The following ZNF208 variants were observed in gnomAD, a reference collection of about 807,000 sequenced individuals.
ZNF208 encodes the protein zinc finger protein 95.
ZNF208 carries 10 observed loss-of-function variants against 12.1 expected under a neutral mutation model. The ratio of observed to expected loss-of-function variants is 0.83; its 90% CI spans 0.51 to 1.40. ZNF208 has a LOEUF of 1.40. Among genes scored for constraint, ZNF208 ranks in the 40% most tolerant of loss-of-function variants. The pLI is 0.00. For synonymous variants in ZNF208, 497 were observed against 488.4 expected, an observed-to-expected ratio of 1.02 and a Z score of -0.23; for missense variants, 1,652 against 1,485.0, an observed-to-expected ratio of 1.11 and a Z score of -1.85.
intron 4 of ZNF208, chr19:21,940,385 CTCA>C: frequency 6.6e-6 from 1 of 151,950 alleles, no homozygotes. Context: ...TTGATGTTAC[CTCA>C]TCATTCTTAG....
At chr19:21,956,217 C>T (rs897825183) in intron 4 of ZNF208, among the ~76,000 whole-genome samples, 6 of 152,164 alleles carry the variant, frequency 3.9e-5, no homozygotes, top group Non-Finnish European at 7.3e-5. Flanking sequence ...CAGAGGGGCA[C>T]CCGGCTGTAT....
At chr19:21,951,701 G>C (rs959291700) in intron 4 of ZNF208, among the ~76,000 whole-genome samples, 7 of 152,134 alleles carry the variant, frequency 4.6e-5, no homozygotes, top group African/African-American at 1.7e-4. Flanking sequence ...CAAATAGGAA[G>C]AGCTCTGGTC....
chr19:21,997,978 CTG>C (rs1970870643), intron 1 of ZNF208: 1 of 152,110 alleles, frequency 6.6e-6, no homozygotes, highest in South Asian at 2.1e-4. Context: ...TAAGAAAAAA[CTG>C]AGATTAGATA....
chr19:21,961,451 G>A (rs763320922), downstream of ZNF208, among the ~76,000 whole-genome samples: 1 of 152,134 alleles, frequency 6.6e-6, no homozygotes, highest in Non-Finnish European at 1.5e-5. Flanking sequence ...TTACTGATGA[G>A]GGTCTATGTT....
chr19:21,974,426 C>T lies in ZNF208; in HGVS notation c.608G>A (p.Cys203Tyr), dbSNP rs1345241021. 2.2e-5 allele frequency: 35 copies of T among 1,613,812 alleles called. No individual in the cohort carries two copies. The highest frequency in any genetic ancestry group is 2.9e-5 in the Non-Finnish European group (34 of 1,179,814). The change falls in exon 4 of 4, where the codon TGT becomes TAT. Residue 203 changes from cysteine to tyrosine, a missense_variant. Coordinates refer to ENST00000397126, the MANE Select transcript of ZNF208 (RefSeq NM_007153.3). Reference sequence around the variant, plus strand: ...GTTAAAAGCTTTGCCACCTTCTTCACATTTGTAGGAATTCTCTCTAGTATA... The same window carrying T: ...GTTAAAAGCTTTGCCACCTTCTTCATATTTGTAGGAATTCTCTCTAGTATA... ...RIYTRENSYK[C>Y]EEGGKAFNWS...
downstream of ZNF208, among the ~76,000 whole-genome samples, chr19:21,964,527 A>C (rs1280575730): frequency 1.3e-5 from 2 of 151,732 alleles, no homozygotes; most frequent in African/African-American, 4.8e-5. Context: ...TAAACAAAAA[A>C]CAATATGCCT....
chr19:22,007,966 T>TGCA (rs1971075805), intron 1 of ZNF208, among the ~76,000 whole-genome samples: 1 of 137,656 alleles, frequency 7.3e-6, no homozygotes, highest in Non-Finnish European at 1.5e-5. Context: ...ATTGCACCAC[T>TGCA]GCAGTCCAGC....
Position 21,972,480 on chromosome 19 carries a change from T to C in ZNF208, c.2554A>G (p.Lys852Glu), listed in dbSNP as rs536562250. 2.5e-6 allele frequency: 4 copies of C among 1,613,144 alleles called. No homozygotes were observed. Among genetic ancestry groups the C allele is most frequent in the Non-Finnish European group, 3.4e-6 (4 of 1,179,860 alleles). The change falls in exon 4 of 4, where the codon AAG becomes GAG. Residue 852 changes from lysine to glutamate, a missense_variant. Physicochemically the swap from Lys to Glu is moderately conservative, Grantham distance 56 (BLOSUM62 1). Coordinates refer to ENST00000397126, the MANE Select transcript of ZNF208 (RefSeq NM_007153.3). ...FSKFSILTKH[K>E]VIHTGEKPYK... ...GGTTTCTCTCCAGTATGAATTACCT[T>C]ATGTTTAGTAAGGATTGAGAACTTA...
chr19:22,008,802 C>T (rs1414796280), intron 1 of ZNF208, among the ~76,000 whole-genome samples: 2 of 152,080 alleles, frequency 1.3e-5, no homozygotes, highest in African/African-American at 4.8e-5. Flanking sequence ...GCCTCTCAGC[C>T]CCAGGGTATT....
chr19:21,997,254 A>G (rs1463542309), intron 1 of ZNF208, among the ~76,000 whole-genome samples: 2 of 152,224 alleles, frequency 1.3e-5, no homozygotes, highest in African/African-American at 4.8e-5. Context: ...GCACCATGTC[A>G]TACATAGTTC....
At chr19:21,975,964 T>C (rs1002026108) in intron 3 of ZNF208, among the ~76,000 whole-genome samples, 2 of 151,214 alleles carry the variant, frequency 1.3e-5, no homozygotes, top group Non-Finnish European at 2.9e-5. Context: ...GCATATGTCT[T>C]CCATAAGAAA....
intron 4 of ZNF208, among the ~76,000 whole-genome samples, chr19:21,948,394 C>T (rs774259440): frequency 2.0e-5 from 3 of 152,180 alleles, no homozygotes; most frequent in Admixed American, 6.5e-5. Flanking sequence ...GCCCTCTTGG[C>T]AGCCCTACAA....
chr19:21,966,835 A>G lies in ZNF208; in HGVS notation c.*4356T>C, dbSNP rs1451436271. On this transcript the variant is annotated 3_prime_UTR_variant, in exon 4 of 4. Transcript: ENST00000397126. ...GTATCACACTGTCACTTTGATTTAC[A>G]TCTTTCTGATAATTAGGAACGTTGA... The G allele has an allele frequency of 6.6e-6, 1 of 152,142 alleles. No homozygotes were observed. The highest frequency in any genetic ancestry group is 1.5e-5 in the Non-Finnish European group (1 of 68,000). 9.4% of individuals were successfully genotyped at this position (152,142 alleles called of 1,614,324 possible).
rs563918766 is a variant in ZNF208 at position 21,943,872 on chromosome 19, T to C, written c.306-10635A>G. ...CTAAAAGTATTGAGCCAGAATGATA[T>C]GTATCTGAGGATTATTAAAGGGAAT... On this transcript the variant is annotated intron_variant, in intron 4 of 4. Coordinates refer to the ZNF208 transcript ENST00000599916. Among the ~76,000 whole-genome samples, 5 of 152,300 alleles carry C rather than the reference T, an allele frequency of 3.3e-5. No homozygotes were observed. The East Asian group carries it at 7.7e-4, about 24-fold the overall frequency.
chr19:21,973,670 C>T lies in ZNF208; in HGVS notation c.1364G>A (p.Cys455Tyr), dbSNP rs369373230. ...KIHTGETPYKCEECGKGFSMF... is the reference protein window; with the variant it reads ...KIHTGETPYKYEECGKGFSMF... The stretch of plus-strand genomic sequence containing the variant: ...ACTAAAGCCTTTGCCACATTCTTCA[C>T]ATTTGTAGGGTGTCTCTCCAGTGTG... The change falls in exon 4 of 4, where the codon TGT (cysteine) becomes TAT (tyrosine). Residue 455 changes from cysteine to tyrosine, a missense_variant. Around this residue, in one of 3 missense-constraint regions of ZNF208, gnomAD observed 1,239 missense variants for 1,086.2 expected, o/e 1.14. Coordinates refer to ENST00000397126, the MANE Select transcript of ZNF208 (RefSeq NM_007153.3). 6.4e-7 allele frequency: 1 copy of T among 1,571,042 alleles called. No homozygotes were observed.
In ZNF208 at chr19:21,971,567, A is replaced by T. The variant is rs1243791171; in HGVS notation, c.3467T>A (p.Leu1156His). The change falls in exon 4 of 4, where the codon CTT (leucine) becomes CAT (histidine). Residue 1156 changes from leucine (L) to histidine (H), a missense_variant. Physicochemically the swap from Leu to His is moderately conservative, Grantham distance 99. Coordinates refer to ENST00000397126, the MANE Select transcript of ZNF208 (RefSeq NM_007153.3). ...AGTATGAATTTTCTTATGATAACTA[A>T]GGGTTGAGGACCACTTATAGGCTTT... ...CGKAYKWSSTLSYHKKIHTVE... is the reference protein window; with the variant it reads ...CGKAYKWSSTHSYHKKIHTVE... The T allele has an allele frequency of 1.9e-6, 3 of 1,611,008 alleles. No homozygotes were observed. The highest frequency in any genetic ancestry group is 8.5e-7 in the Non-Finnish European group (1 of 1,179,810).
chr19:21,960,268 TA>T (rs1970042244), intron 4 of ZNF208, among the ~76,000 whole-genome samples: 1 of 152,088 alleles, frequency 6.6e-6, no homozygotes, highest in African/African-American at 2.4e-5. Flanking sequence ...AAAAAATGTT[TA>T]AAAACTTTAT....
intron 4 of ZNF208, among the ~76,000 whole-genome samples, chr19:21,953,022 C>A (rs1969917037): frequency 6.6e-6 from 1 of 151,882 alleles, no homozygotes. Context: ...GATGCATGCA[C>A]AAGCTTCAAT....
At chr19:21,984,118 C>A (rs1437784225) in intron 3 of ZNF208, among the ~76,000 whole-genome samples, 1 of 152,204 alleles carries the variant, frequency 6.6e-6, no homozygotes, top group Non-Finnish European at 1.5e-5. Flanking sequence ...TTCTGAATAG[C>A]TCATACAATA....
Sources: allele counts gnomAD v4.1 joint callset (sites outside exome capture counted in the v4.1 genomes callset), GRCh38; gene constraint gnomAD v4.1.1; regional missense constraint gnomAD v4.1.1; transcripts MANE v1.5; gene names NCBI Gene and HGNC (gene_info 2026-07-23, HGNC 2026-07-21).